The following DISC1 variants were observed in gnomAD, a reference collection of about 807,000 sequenced individuals.
DISC1 encodes the protein disrupted in schizophrenia 1 protein.
In DISC1, 57 loss-of-function variants were observed where a neutral mutation model predicts 84.5. The ratio of observed to expected loss-of-function variants is 0.67; its 90% CI spans 0.55 to 0.84. The LOEUF is 0.84. DISC1 is among the 40% of genes least tolerant of loss of function. The pLI, the probability that DISC1 is intolerant of heterozygous loss-of-function variation, is 0.00. For synonymous variants in DISC1, 411 were observed against 415.2 expected (o/e 0.99, Z 0.12); for missense variants, 1,000 against 1,057.8 (o/e 0.95, Z 0.76).
chr1:231,939,118 A>G (rs2091152167), intron 9 of DISC1, among the ~76,000 whole-genome samples: 1 of 152,202 alleles, frequency 6.6e-6, no homozygotes, highest in Admixed American at 6.5e-5. Flanking sequence ...TTTGCTTATT[A>G]TTAGCTGTCT....
chr1:231,819,638 G>A (rs1203509403), intron 9 of DISC1, among the ~76,000 whole-genome samples: 1 of 152,096 alleles, frequency 6.6e-6, no homozygotes, highest in African/African-American at 2.4e-5. Flanking sequence ...TACGTTTGAG[G>A]CTAAATAACT....
rs774137161 is a variant in DISC1, at chr1:231,771,083, T to C, written c.1634+13T>C. On this transcript the variant is annotated intron_variant, in intron 6 of 12. Coordinates refer to ENST00000439617, the MANE Select transcript of DISC1 (RefSeq NM_018662.3). The stretch of plus-strand genomic sequence containing the variant: ...AAACCATAAGGAGGTACTGCTGATT[T>C]CCTAACTGATTTTGGGTCGCTCGCC... The C allele has an allele frequency of 6.4e-7, 1 of 1,569,076 alleles. No individual in the cohort carries two copies. The highest frequency in any genetic ancestry group is 1.9e-5 in the Admixed American group (1 of 53,726).
chr1:231,712,090 G>A (rs111527424), intron 3 of DISC1, among the ~76,000 whole-genome samples: 28 of 152,310 alleles, frequency 1.8e-4, no homozygotes, highest in African/African-American at 6.5e-4. Flanking sequence ...CAGAGGCAGG[G>A]ATTGGAGTGG....
intron 11 of DISC1, among the ~76,000 whole-genome samples, chr1:232,020,322 A>G (rs1014150837): frequency 6.6e-6 from 1 of 152,190 alleles, no homozygotes; most frequent in Non-Finnish European, 1.5e-5. Flanking sequence ...AGCCTGGGCA[A>G]CAAGAGTGAA....
rs1338267771 is a variant in DISC1, at chr1:232,039,768, A to G, written c.*2937A>G. Reference sequence around the variant, plus strand: ...AAAAGCATCAAAACAACAACAATGGAAATTTATGTTGGCGATAGCCAAGAC... The same window carrying G: ...AAAAGCATCAAAACAACAACAATGGGAATTTATGTTGGCGATAGCCAAGAC... On this transcript the variant is annotated 3_prime_UTR_variant, in exon 13 of 13. Coordinates refer to ENST00000439617, the MANE Select transcript of DISC1 (RefSeq NM_018662.3). 6.6e-6 allele frequency: 1 copy of G among 152,148 alleles called. No homozygotes were observed. The highest frequency in any genetic ancestry group is 6.5e-5 in the Admixed American group (1 of 15,284). 9.4% of individuals were successfully genotyped at this position (152,148 alleles called of 1,614,324 possible). A position where few individuals can be genotyped will look rare whatever the true frequency, so the allele number is the denominator to read the frequency against.
At chr1:231,808,081 TA>T (rs1161037140) in intron 8 of DISC1, among the ~76,000 whole-genome samples, 1 of 152,216 alleles carries the variant, frequency 6.6e-6, no homozygotes, top group African/African-American at 2.4e-5. Flanking sequence ...TAAATTCCTG[TA>T]GCCGTCAAAC....
chr1:231,901,000 G>A (rs1272332846), intron 9 of DISC1, among the ~76,000 whole-genome samples: 1 of 152,182 alleles, frequency 6.6e-6, no homozygotes, highest in Non-Finnish European at 1.5e-5. Flanking sequence ...GAACCTCAAT[G>A]GCAAGGCAAT....
intron 9 of DISC1, among the ~76,000 whole-genome samples, chr1:231,825,883 A>G (rs930953424): frequency 1.3e-5 from 2 of 152,212 alleles, no homozygotes; most frequent in African/African-American, 4.8e-5. Flanking sequence ...AGTTCTTTGC[A>G]GATTTCTTCC....
chr1:232,018,929 T>C (rs1164824803), intron 11 of DISC1, among the ~76,000 whole-genome samples: 1 of 152,222 alleles, frequency 6.6e-6, no homozygotes, highest in Non-Finnish European at 1.5e-5. Flanking sequence ...TTCTTCTTGT[T>C]GGTTTTCCTT....
At chr1:231,975,845 G>A (rs950758097) in intron 10 of DISC1, among the ~76,000 whole-genome samples, 13 of 152,260 alleles carry the variant, frequency 8.5e-5, no homozygotes, top group African/African-American at 2.4e-4. Flanking sequence ...GTGAGAGGGG[G>A]TGGATGATGA....
intron 9 of DISC1, among the ~76,000 whole-genome samples, chr1:231,820,465 G>T (rs2081405719): frequency 6.6e-6 from 1 of 152,106 alleles, no homozygotes; most frequent in African/African-American, 2.4e-5. Flanking sequence ...CTTAGAGAAT[G>T]AAACCATTTA....
At chr1:231,930,542 A>T (rs2090596499) in intron 9 of DISC1, among the ~76,000 whole-genome samples, 1 of 152,152 alleles carries the variant, frequency 6.6e-6, no homozygotes, top group African/African-American at 2.4e-5. Flanking sequence ...TGGAAGTGAC[A>T]GTCAGGATTC....
intron 3 of DISC1, among the ~76,000 whole-genome samples, chr1:231,737,843 G>T (rs912098204): frequency 6.6e-6 from 1 of 152,136 alleles, no homozygotes; most frequent in Non-Finnish European, 1.5e-5. Flanking sequence ...CCACTTGAGG[G>T]CAAGCTGCAG....
chr1:231,781,093 G>GAATATATATATATTCA (rs2077387516), intron 6 of DISC1, among the ~76,000 whole-genome samples: 1 of 149,300 alleles, frequency 6.7e-6, no homozygotes, highest in Admixed American at 6.7e-5. Context: ...GCACCAGCAT[G>GAATATATATATATTCA]GCACATGTAT....
At chr1:231,684,799 T>C (rs1360723326) in intron 1 of DISC1, 1 of 152,136 alleles carries the variant, frequency 6.6e-6, no homozygotes, top group East Asian at 1.9e-4. Flanking sequence ...GGAAGTAGCG[T>C]TTGTGGGAAT....
chr1:231,775,869 G>C (rs1283752348), intron 6 of DISC1, among the ~76,000 whole-genome samples: 1 of 151,728 alleles, frequency 6.6e-6, no homozygotes. Context: ...CATGGTTCTT[G>C]TTCTACCCCC....
chr1:231,909,453 G>A (rs1315184497), intron 9 of DISC1, among the ~76,000 whole-genome samples: 1 of 152,152 alleles, frequency 6.6e-6, no homozygotes, highest in Non-Finnish European at 1.5e-5. Flanking sequence ...CTTTGGTTCT[G>A]TTTATATGCT....
rs575501534 is a variant in DISC1, at chr1:231,911,731, G to A, written c.1982-47097G>A. On this transcript the variant is annotated intron_variant, in intron 9 of 12. Coordinates refer to ENST00000439617, the MANE Select transcript of DISC1 (RefSeq NM_018662.3). ...TTTGAATGTTGGCCTGCCTTGCTAG[G>A]TTGGGGATGTTCTCCTGGATAATAT... Among the ~76,000 whole-genome samples the A allele has an allele frequency of 7.2e-5, 11 of 152,284 alleles. No homozygotes were observed. In the South Asian group the frequency reaches 1.9e-3, roughly 26 times the overall value.
rs187953924 is a variant in DISC1, at chr1:231,912,194, C to T, written c.1982-46634C>T. On this transcript the variant is annotated intron_variant, in intron 9 of 12. Transcript: ENST00000439617. ...CTTCTCTCAACTTGTCAAAGTCATT[C>T]TCCGTCCAGCTTTGTTCCATTGCTG... is the stretch of plus-strand genomic sequence containing the variant. Among the ~76,000 whole-genome samples, 362 of 152,316 alleles carry T rather than the reference C, an allele frequency of 2.4e-3. 5 individuals are homozygous for T. Among genetic ancestry groups the T allele is most frequent in the African/African-American group, 8.4e-3 (348 of 41,576 alleles).
Sources: gnomAD v4.1 joint callset for allele counts (sites outside exome capture counted in the v4.1 genomes callset) on GRCh38, gnomAD v4.1.1 for gene constraint, MANE v1.5 for transcripts, NCBI Gene and HGNC (gene_info 2026-07-23, HGNC 2026-07-21) for gene names.